COL22A1: variants seen among roughly 807,000 people sequenced by gnomAD.
COL22A1 encodes collagen alpha-1(XXII) chain.
In COL22A1, 221 loss-of-function variants were observed where a neutral mutation model predicts 248.9. The observed-to-expected ratio is 0.89, with a 90% confidence interval of 0.80 to 0.99. The LOEUF (loss-of-function observed/expected upper bound fraction) is 0.99, where lower values mean the gene tolerates loss of function less well. Ranked by LOEUF, COL22A1 falls within the 50% of genes least tolerant of loss-of-function variation. The pLI, the probability that COL22A1 is intolerant of heterozygous loss-of-function variation, is 0.00. For synonymous variants in COL22A1, 891 were observed against 793.4 expected (o/e 1.12, Z -2.07); for missense variants, 2,240 against 2,179.0 (o/e 1.03, Z -0.56).
rs1824467658 is a variant in COL22A1 at position 138,884,202 on chromosome 8, G to A, written c.-72-958C>T. 2.0e-5 allele frequency among the ~76,000 whole-genome samples: 3 copies of A among 152,300 alleles called. No individual in the cohort carries two copies. In the South Asian group the frequency reaches 6.2e-4, roughly 32 times the overall value. ...CACTCACTTCCCTATGGGTTGAGGG[G>A]GTCACTGCTCAGCTACCTGCAAGTG... is the stretch of plus-strand genomic sequence containing the variant. On this transcript the variant is annotated intron_variant, in intron 1 of 64. Transcript: ENST00000303045.
chr8:138,770,867 T>A (rs1357972789), intron 16 of COL22A1, among the ~76,000 whole-genome samples: 1 of 152,098 alleles, frequency 6.6e-6, no homozygotes, highest in East Asian at 1.9e-4. Context: ...CCTCACCCCT[T>A]CTCCGTGTCT....
Position 138,591,490 on chromosome 8 carries a change from C to A in COL22A1, c.4627G>T (p.Ala1543Ser). 1 of 1,555,208 alleles carries A rather than the reference C, an allele frequency of 6.4e-7. No individual in the cohort carries two copies. The highest frequency in any genetic ancestry group is 2.5e-5 in the East Asian group (1 of 40,706). ...GPIGPKGERGAKGDPGAPGVG... is the reference protein window; with the variant it reads ...GPIGPKGERGSKGDPGAPGVG... ...CCAGGTGCACCTGGGTCACCTTTGGCTCCTCGCTCACCTGGGAAGAAAAAC... is the reference window on the plus strand; with the variant it reads ...CCAGGTGCACCTGGGTCACCTTTGGATCCTCGCTCACCTGGGAAGAAAAAC... Residue 1543 changes from alanine (A) to serine (S), a missense_variant, in exon 64 of 65, where the codon GCC (alanine) becomes TCC (serine). Coordinates refer to ENST00000303045, the MANE Select transcript of COL22A1 (RefSeq NM_152888.3).
chr8:138,725,752 GACACACACACACACAC>G (rs66497386), intron 23 of COL22A1, among the ~76,000 whole-genome samples: 5,304 of 148,348 alleles, frequency 0.036, 213 homozygotes, highest in African/African-American at 0.1. Context: ...CACATGTGCA[GACACACACACACACAC>G]ACACACACAC....
At chr8:138,660,262 T>C (rs569446896) in intron 44 of COL22A1, among the ~76,000 whole-genome samples, 174 bp downstream of exon 44, 1 of 152,370 alleles carries the variant, frequency 6.6e-6, no homozygotes, top group South Asian at 2.1e-4. Flanking sequence ...TGGTAACGAC[T>C]TCCCACTGTA....
At chr8:138,670,960 CAAAAAAA>C (rs60845059) in intron 41 of COL22A1, among the ~76,000 whole-genome samples, 10 of 55,394 alleles carry the variant, frequency 1.8e-4, no homozygotes, top group South Asian at 1.5e-3. Context: ...GACCTTGTCT[CAAAAAAA>C]AAAAAAAAAA....
chr8:138,658,997 T>A (rs1564155206), intron 44 of COL22A1, among the ~76,000 whole-genome samples: 1 of 152,166 alleles, frequency 6.6e-6, no homozygotes, highest in Non-Finnish European at 1.5e-5. Flanking sequence ...GACTTCACTA[T>A]CTTTGCAGGG....
chr8:138,715,568 TTAAAAA>T (rs1276250235), intron 30 of COL22A1, 108 bp downstream of exon 30: 11,899 of 429,742 alleles, frequency 0.028, 141 homozygotes, highest in Non-Finnish European at 0.033. Context: ...GACTCTCATT[TTAAAAA>T]AAAAAAAAAA....
intron 53 of COL22A1, among the ~76,000 whole-genome samples, chr8:138,618,921 A>G (rs1433853992): frequency 6.6e-6 from 1 of 152,200 alleles, no homozygotes; most frequent in African/African-American, 2.4e-5. Flanking sequence ...ACATATATAG[A>G]TGCTAGAATT....
chr8:138,638,075 T>C (rs945018549), intron 47 of COL22A1, among the ~76,000 whole-genome samples: 2 of 152,122 alleles, frequency 1.3e-5, no homozygotes, highest in Non-Finnish European at 2.9e-5. Flanking sequence ...GCCATTGTCA[T>C]CATCATCATG....
At chr8:138,771,829 C>T (rs958875648) in intron 16 of COL22A1, among the ~76,000 whole-genome samples, 1 of 152,194 alleles carries the variant, frequency 6.6e-6, no homozygotes, top group East Asian at 1.9e-4. Flanking sequence ...GTCCCAGTGG[C>T]AGACCTGGCC....
At chr8:138,771,928 A>G (rs1289095911) in intron 16 of COL22A1, among the ~76,000 whole-genome samples, 1 of 152,180 alleles carries the variant, frequency 6.6e-6, no homozygotes, top group African/African-American at 2.4e-5. Flanking sequence ...CGCAGCCTCC[A>G]GGAAGCGTGG....
chr8:138,766,881 G>A (rs1349490512), intron 16 of COL22A1, among the ~76,000 whole-genome samples: 1 of 152,236 alleles, frequency 6.6e-6, no homozygotes, highest in Non-Finnish European at 1.5e-5. Context: ...ACTTGCTGCT[G>A]TTGATTGGGT....
At chr8:138,841,929 G>A (rs1011558752) in intron 4 of COL22A1, among the ~76,000 whole-genome samples, 2 of 152,210 alleles carry the variant, frequency 1.3e-5, no homozygotes, top group Admixed American at 6.5e-5. Flanking sequence ...CCTATGGCAG[G>A]AAAAGAGAGT....
At chr8:138,670,643 G>A (rs914936337) in intron 41 of COL22A1, among the ~76,000 whole-genome samples, 32 of 152,112 alleles carry the variant, frequency 2.1e-4, no homozygotes, top group African/African-American at 7.7e-4. Context: ...AGTCAATCGT[G>A]CAGGAGCAAT....
chr8:138,622,926 G>A (rs993905123), intron 52 of COL22A1, among the ~76,000 whole-genome samples: 8 of 151,842 alleles, frequency 5.3e-5, no homozygotes, highest in African/African-American at 1.9e-4. Context: ...TCTTGCCCTT[G>A]GTGTAGTGTC....
chr8:138,874,266 G>A (rs1206729576), intron 3 of COL22A1, among the ~76,000 whole-genome samples: 3 of 152,170 alleles, frequency 2.0e-5, no homozygotes, highest in Non-Finnish European at 4.4e-5. Context: ...TTAGGATTTT[G>A]GAGAAGCCCT....
At chr8:138,703,800 G>A (rs140693146) in intron 30 of COL22A1, among the ~76,000 whole-genome samples, 1,748 of 152,194 alleles carry the variant, frequency 0.011, 46 homozygotes, top group African/African-American at 0.04. Context: ...TGCAGCCCAC[G>A]GAGTGTGAGC....
chr8:138,709,345 T>C (rs2131039498), intron 30 of COL22A1, among the ~76,000 whole-genome samples: 1 of 152,190 alleles, frequency 6.6e-6, no homozygotes, highest in East Asian at 1.9e-4. Flanking sequence ...ACACGTATGT[T>C]TATTGCAGCA....
chr8:138,604,134 A>G (rs1350796165), intron 59 of COL22A1, among the ~76,000 whole-genome samples: 1 of 152,186 alleles, frequency 6.6e-6, no homozygotes, highest in African/African-American at 2.4e-5. Context: ...CTTGGAAAAG[A>G]ACTTGGCACG....
Sources: gnomAD v4.1 joint callset for allele counts (sites outside exome capture counted in the v4.1 genomes callset) on GRCh38, gnomAD v4.1.1 for gene constraint, MANE v1.5 for transcripts, NCBI Gene and HGNC (gene_info 2026-07-23, HGNC 2026-07-21) for gene names.